KIAA0586: variants seen among roughly 807,000 people sequenced by gnomAD.
KIAA0586 encodes the protein KIAA0586.
In KIAA0586, 144 loss-of-function variants were observed where a neutral mutation model predicts 169.8. The ratio of observed to expected loss-of-function variants is 0.85; its 90% CI spans 0.74 to 0.97. KIAA0586 has a LOEUF of 0.97. Ranked by LOEUF, KIAA0586 falls within the 50% of genes least tolerant of loss-of-function variation. The pLI is 0.00. For synonymous variants in KIAA0586, 625 were observed against 612.4 expected (o/e 1.02, Z -0.30); for missense variants, 1,854 against 1,823.0 (o/e 1.02, Z -0.31).
chr14:58,443,925 A>C, intron 5 of KIAA0586, 29 bp from the exon 6 acceptor site: 1 of 1,393,714 alleles, frequency 7.2e-7, no homozygotes, highest in Non-Finnish European at 9.9e-7. Flanking sequence ...CTATAATGTG[A>C]ATTTTTAAAA....
chr14:58,427,458 A>G (rs999546668), upstream of KIAA0586: 13 of 763,902 alleles, frequency 1.7e-5, no homozygotes, highest in Admixed American at 1.3e-4. Flanking sequence ...AAACACAAGT[A>G]GTATTACAAG....
At chr14:58,486,853 A>G (rs967898475) in intron 21 of KIAA0586, among the ~76,000 whole-genome samples, 154 bp from the exon 22 acceptor site, 6 of 152,210 alleles carry the variant, frequency 3.9e-5, no homozygotes, top group Non-Finnish European at 8.8e-5. Flanking sequence ...CTGCAGGCCA[A>G]TCGTAGACTA....
At chr14:58,481,409 A>C (rs1269567865) in intron 20 of KIAA0586, among the ~76,000 whole-genome samples, 5 of 152,216 alleles carry the variant, frequency 3.3e-5, no homozygotes, top group African/African-American at 9.6e-5. Flanking sequence ...TAATATACCT[A>C]TAGGACATCT....
chr14:58,470,076 A>ATG (rs3041104), intron 16 of KIAA0586, among the ~76,000 whole-genome samples: 4 of 149,014 alleles, frequency 2.7e-5, no homozygotes, highest in Admixed American at 6.7e-5. Context: ...TAGGAAGAAA[A>ATG]TGTGTGTGTG....
intron 14 of KIAA0586, 52 bp downstream of exon 14, chr14:58,461,212 T>G: frequency 7.9e-7 from 1 of 1,273,630 alleles, no homozygotes; most frequent in East Asian, 2.8e-5. Flanking sequence ...AGTATCAGTT[T>G]AATATGTAAA....
At chr14:58,505,497 A>T (rs900966072) in intron 27 of KIAA0586, among the ~76,000 whole-genome samples, 1 of 152,208 alleles carries the variant, frequency 6.6e-6, no homozygotes, top group Admixed American at 6.5e-5. Flanking sequence ...AAGCTCTTCT[A>T]TACACGAGCA....
At chr14:58,515,746 G>T (rs2044706964) in intron 29 of KIAA0586, among the ~76,000 whole-genome samples, 1 of 152,118 alleles carries the variant, frequency 6.6e-6, no homozygotes, top group Admixed American at 6.6e-5. Flanking sequence ...TGTAACAAGT[G>T]TTGTCTGAAT....
intron 22 of KIAA0586, among the ~76,000 whole-genome samples, chr14:58,487,617 A>AG (rs2141188930): frequency 6.6e-6 from 1 of 152,286 alleles, no homozygotes; most frequent in South Asian, 2.1e-4. Context: ...CAAAAAAAAA[A>AG]AAAGTATACA....
At chr14:58,547,038 AT>A (rs2047025372) in intron 30 of KIAA0586, among the ~76,000 whole-genome samples, 1 of 152,136 alleles carries the variant, frequency 6.6e-6, no homozygotes, top group Non-Finnish European at 1.5e-5. Context: ...GTAAATCATT[AT>A]TAATGACATG....
In KIAA0586 at chr14:58,487,940, A is replaced by T. The variant is rs1315211008; in HGVS notation, c.3358A>T (p.Thr1120Ser). The T allele has an allele frequency of 3.1e-6, 5 of 1,613,530 alleles. No individual in the cohort carries two copies. The highest frequency in any genetic ancestry group is 4.2e-6 in the Non-Finnish European group (5 of 1,179,792). Residue 1120 changes from threonine to serine, a missense_variant, in exon 23 of 31, where the codon ACT (threonine) becomes TCT (serine). Physicochemically the swap from Thr to Ser is moderately conservative, Grantham distance 58 (BLOSUM62 1). Transcript: ENST00000652326. ...LVNTPTVTPTTTPPPAAAVFT... is the reference protein window; with the variant it reads ...LVNTPTVTPTSTPPPAAAVFT... ...TAATACTCCAACAGTTACCCCTACT[A>T]CTACACCTCCTCCAGCGGCGGCAGT...
intron 14 of KIAA0586, chr14:58,464,150 C>A: frequency 7.8e-6 from 3 of 386,466 alleles, no homozygotes; most frequent in South Asian, 6.2e-5. Context: ...AAGATACCTG[C>A]CACACAAAAG....
rs2039883105 is a variant in KIAA0586, at chr14:58,456,693, T to C, written c.1254-9T>C. On this transcript the variant is annotated splice_polypyrimidine_tract_variant and intron_variant, in intron 9 of 30. Coordinates refer to ENST00000652326, the MANE Select transcript of KIAA0586 (RefSeq NM_001329943.3). ...TCTTCTGTAGCGTTGAAACTCTACC[T>C]TCTCAAAGATTTCCTTCCTGTGAAG... 6.6e-7 allele frequency: 1 copy of C among 1,511,430 alleles called. No homozygotes were observed. Among genetic ancestry groups the C allele is most frequent in the Non-Finnish European group, 9.1e-7 (1 of 1,101,646 alleles). 93.6% of individuals were successfully genotyped at this position (1,511,430 alleles called of 1,614,324 possible).
chr14:58,477,091 C>T, intron 19 of KIAA0586, 32 bp from the exon 20 acceptor site: 1 of 1,215,554 alleles, frequency 8.2e-7, no homozygotes. Context: ...ATTGAGGAAT[C>T]TTAACTTTTA....
At chr14:58,431,797 A>T (rs977590616) in intron 3 of KIAA0586, among the ~76,000 whole-genome samples, 3 of 152,152 alleles carry the variant, frequency 2.0e-5, no homozygotes, top group African/African-American at 7.2e-5. Context: ...TCTTGATTAA[A>T]TGTATTCCTA....
chr14:58,510,015 A>T (rs907697597), intron 28 of KIAA0586, among the ~76,000 whole-genome samples: 1 of 152,234 alleles, frequency 6.6e-6, no homozygotes, highest in African/African-American at 2.4e-5. Context: ...TTGAAAAATG[A>T]ACAATAGATT....
intron 25 of KIAA0586, 35 bp from the exon 26 acceptor site, chr14:58,492,109 T>C (rs1371516007): frequency 6.9e-7 from 1 of 1,445,064 alleles, no homozygotes; most frequent in East Asian, 2.5e-5. Flanking sequence ...TTCGAAATAA[T>C]TTATTTTTAT....
In KIAA0586 at chr14:58,443,958, A is replaced by C; in HGVS notation, c.590A>C (p.Gln197Pro). The C allele has an allele frequency of 6.3e-7, 1 of 1,590,974 alleles. No homozygotes were observed. Among genetic ancestry groups the C allele is most frequent in the Non-Finnish European group, 8.6e-7 (1 of 1,163,364 alleles). Residue 197 changes from glutamine (Q) to proline (P), a missense_variant, in exon 6 of 31, where the codon CAG becomes CCG. Gln to Pro is a moderately conservative substitution (Grantham distance 76). Transcript: ENST00000652326. ...IATAAPLIKV[Q>P]SDLEAKVNSV... ...AAAATGTTTTTATTGTTTTAGGTGC[A>C]GAGTGATTTGGAAGCAAAAGTCAAT...
chr14:58,443,168 A>T (rs952255413), intron 5 of KIAA0586, among the ~76,000 whole-genome samples: 2 of 152,190 alleles, frequency 1.3e-5, no homozygotes, highest in African/African-American at 2.4e-5. Context: ...ATAATCGGTT[A>T]TTCTTATTTG....
intron 14 of KIAA0586, among the ~76,000 whole-genome samples, chr14:58,462,422 T>TC (rs540180674): frequency 1.2e-3 from 176 of 152,176 alleles, no homozygotes; most frequent in African/African-American, 4.0e-3. Context: ...TAATTTTTTT[T>TC]TTGTATTTTT....
Sources: gnomAD v4.1 joint callset for allele counts (sites outside exome capture counted in the v4.1 genomes callset) on GRCh38, gnomAD v4.1.1 for gene constraint, MANE v1.5 for transcripts, NCBI Gene and HGNC (gene_info 2026-07-23, HGNC 2026-07-21) for gene names.